GRM5: variants seen among roughly 807,000 people sequenced by gnomAD.
The protein encoded by GRM5 is glutamate metabotropic receptor 5.
GRM5 carries 19 observed loss-of-function variants against 83.1 expected under a neutral mutation model. That is an observed-to-expected ratio of 0.23 (90% CI 0.16 to 0.34). GRM5 has a LOEUF of 0.34. GRM5 is among the 10% of genes least tolerant of loss of function. The pLI, the probability that GRM5 is intolerant of heterozygous loss-of-function variation, is 1.00. For missense variants in GRM5, 1,160 were observed against 1,588.3 expected (o/e 0.73, Z 4.58); for synonymous variants, 675 against 633.6 (o/e 1.07, Z -0.98).
At chr11:88,631,585 G>T (rs1013121411) in intron 4 of GRM5, among the ~76,000 whole-genome samples, 3 of 152,120 alleles carry the variant, frequency 2.0e-5, no homozygotes, top group Non-Finnish European at 4.4e-5. Context: ...AAATGAAGAA[G>T]GCAGGGCTAA....
intron 2 of GRM5, among the ~76,000 whole-genome samples, chr11:88,858,085 T>C (rs1944504081): frequency 6.6e-6 from 1 of 152,076 alleles, no homozygotes; most frequent in African/African-American, 2.4e-5. Flanking sequence ...GGAGTCTTTC[T>C]ATAACACGAC....
At chr11:88,746,412 T>C (rs1251272895) in intron 3 of GRM5, among the ~76,000 whole-genome samples, 1 of 152,124 alleles carries the variant, frequency 6.6e-6, no homozygotes, top group Non-Finnish European at 1.5e-5. Context: ...TATCTTTGTT[T>C]AGCCTGATTC....
chr11:88,569,547 A>G (rs1942941768), intron 7 of GRM5, among the ~76,000 whole-genome samples: 2 of 152,240 alleles, frequency 1.3e-5, no homozygotes, highest in African/African-American at 4.8e-5. Flanking sequence ...TGAAAGGAAA[A>G]TGACTCATGG....
chr11:88,871,469 T>C (rs1233186057), intron 2 of GRM5, among the ~76,000 whole-genome samples: 1 of 151,484 alleles, frequency 6.6e-6, no homozygotes, highest in Non-Finnish European at 1.5e-5. Flanking sequence ...CAAATAAAGA[T>C]AACTAGGACT....
intron 3 of GRM5, among the ~76,000 whole-genome samples, chr11:88,707,201 T>G (rs2135380017): frequency 6.6e-6 from 1 of 152,240 alleles, no homozygotes; most frequent in South Asian, 2.1e-4. Context: ...TTAACTGTGC[T>G]TCAGTTTCTT....
At chr11:89,001,361 G>T (rs538451054) in intron 2 of GRM5, among the ~76,000 whole-genome samples, 14 of 152,096 alleles carry the variant, frequency 9.2e-5, no homozygotes, top group Non-Finnish European at 1.6e-4. Context: ...TCAGTGGATG[G>T]TATATCCATA....
intron 2 of GRM5, among the ~76,000 whole-genome samples, chr11:89,030,341 G>A (rs913093042): frequency 6.6e-5 from 10 of 151,994 alleles, no homozygotes; most frequent in African/African-American, 2.4e-4. Flanking sequence ...TGGTTACAGA[G>A]CTTTGTGGTA....
chr11:88,760,685 G>A (rs1942493874), intron 3 of GRM5, among the ~76,000 whole-genome samples: 1 of 151,734 alleles, frequency 6.6e-6, no homozygotes, highest in Admixed American at 6.6e-5. Context: ...ATTGAGGAGG[G>A]AATCCTGCCT....
chr11:88,606,941 GTTT>G (rs36065663), intron 4 of GRM5, among the ~76,000 whole-genome samples: 13,703 of 128,144 alleles, frequency 0.11, 727 homozygotes, highest in East Asian at 0.19. Flanking sequence ...TAAGAAAGGT[GTTT>G]TTTTTTTTTT....
At chr11:88,535,944 A>T (rs1479469998) in intron 8 of GRM5, among the ~76,000 whole-genome samples, 1 of 152,238 alleles carries the variant, frequency 6.6e-6, no homozygotes, top group Admixed American at 6.5e-5. Context: ...CAAAAAAGAG[A>T]GAGATCGATT....
intron 2 of GRM5, among the ~76,000 whole-genome samples, chr11:89,023,690 AT>A (rs201818823): frequency 3.3e-5 from 5 of 151,632 alleles, no homozygotes; most frequent in East Asian, 1.9e-4. Context: ...CTAAAAATAA[AT>A]TAAAAAAAAA....
chr11:88,558,272 T>A (rs947845031), intron 8 of GRM5, among the ~76,000 whole-genome samples: 2 of 152,146 alleles, frequency 1.3e-5, no homozygotes, highest in African/African-American at 4.8e-5. Flanking sequence ...GTGACTCAGC[T>A]CTTGGCGATT....
chr11:88,751,558 C>T (rs905242774), intron 3 of GRM5, among the ~76,000 whole-genome samples: 4 of 152,140 alleles, frequency 2.6e-5, no homozygotes, highest in South Asian at 2.1e-4. Context: ...TCTACTGAAA[C>T]TATTCCAAAC....
At chr11:88,639,863 G>C (rs1939243103) in intron 4 of GRM5, among the ~76,000 whole-genome samples, 1 of 151,968 alleles carries the variant, frequency 6.6e-6, no homozygotes, top group African/African-American at 2.4e-5. Context: ...GTAGAAAATT[G>C]GTCTTTTTAA....
intron 3 of GRM5, among the ~76,000 whole-genome samples, chr11:88,807,260 G>A (rs1943513992): frequency 1.3e-5 from 2 of 152,042 alleles, no homozygotes; most frequent in South Asian, 4.1e-4. Context: ...AAACCTTCAG[G>A]CAACCTTAGA....
In GRM5 at chr11:88,760,156, A is replaced by T. The variant is rs887647847; in HGVS notation, c.911+89750T>A. 4.6e-5 allele frequency among the ~76,000 whole-genome samples: 7 copies of T among 152,184 alleles called. No homozygotes were observed. In the East Asian group the frequency reaches 1.3e-3, roughly 29 times the overall value. On this transcript the variant is annotated intron_variant, in intron 3 of 9. Transcript: ENST00000305447. The stretch of plus-strand genomic sequence containing the variant: ...AATTTAATAACCTAACATCAAAACT[A>T]AAATAACTAGAGAATCAACAGCAAA...
At position 88,822,078 on chromosome 11, in the gene GRM5, G is replaced by A. The variant is rs142375460; in HGVS notation, c.911+27828C>T. Among the ~76,000 whole-genome samples the A allele has an allele frequency of 7.0e-3, 1,071 of 152,230 alleles. 15 individuals carry two copies. Among genetic ancestry groups the A allele is most frequent in the African/African-American group, 0.024 (1,008 of 41,554 alleles). On this transcript the variant is annotated intron_variant, in intron 3 of 9. Coordinates refer to ENST00000305447, the MANE Select transcript of GRM5 (RefSeq NM_001143831.3). ...CCCAGATTATTGTTTAGATCAAATC[G>A]TTTAAGTGACTTCATATACCACATA...
intron 3 of GRM5, among the ~76,000 whole-genome samples, chr11:88,798,250 T>C (rs750638361): frequency 5.3e-5 from 8 of 152,216 alleles, no homozygotes; most frequent in Non-Finnish European, 1.0e-4. Flanking sequence ...TCGTTCAATT[T>C]TTTTTCTCCC....
intron 4 of GRM5, among the ~76,000 whole-genome samples, chr11:88,649,012 C>T (rs2135299205): frequency 6.9e-6 from 1 of 144,638 alleles, no homozygotes; most frequent in East Asian, 2.0e-4. Flanking sequence ...GGAAATAACA[C>T]CAAAGTTCAT....
Sources: allele counts gnomAD v4.1 joint callset (sites outside exome capture counted in the v4.1 genomes callset), GRCh38; gene constraint gnomAD v4.1.1; transcripts MANE v1.5; gene names NCBI Gene and HGNC (gene_info 2026-07-23, HGNC 2026-07-21).